SYT16: variants seen among roughly 807,000 people sequenced by gnomAD.
SYT16 encodes synaptotagmin-16.
A neutral mutation model predicts 61.4 loss-of-function variants in SYT16; 42 were observed. That is an observed-to-expected ratio of 0.68 (90% CI 0.53 to 0.89). The LOEUF (loss-of-function observed/expected upper bound fraction) is 0.89. Among genes scored for constraint, SYT16 ranks in the 40% least tolerant of loss-of-function variants. SYT16 has a pLI of 0.00. For missense variants in SYT16, 804 were observed against 807.3 expected, an observed-to-expected ratio of 1.00 and a Z score of 0.05; for synonymous variants, 314 against 302.3, an observed-to-expected ratio of 1.04 and a Z score of -0.40.
At chr14:62,076,659 T>C (rs762246816) in intron 5 of SYT16, among the ~76,000 whole-genome samples, 4 of 152,160 alleles carry the variant, frequency 2.6e-5, no homozygotes, top group Non-Finnish European at 4.4e-5. Context: ...CCATTAACTT[T>C]ATACATTTTG....
At chr14:61,902,555 T>C (rs1278297365) in intron 1 of SYT16, among the ~76,000 whole-genome samples, 1 of 152,208 alleles carries the variant, frequency 6.6e-6, no homozygotes, top group Non-Finnish European at 1.5e-5. Flanking sequence ...GCAATAGCAA[T>C]TTATTTTCTC....
At chr14:62,040,863 T>TA (rs1426646304) in intron 3 of SYT16, among the ~76,000 whole-genome samples, 2 of 152,192 alleles carry the variant, frequency 1.3e-5, no homozygotes, top group Admixed American at 6.6e-5. Context: ...GTACGTTTGT[T>TA]ACAATTGATG....
intron 1 of SYT16, chr14:61,831,833 G>A (rs974636671): frequency 2.7e-6 from 1 of 374,544 alleles, no homozygotes; most frequent in East Asian, 5.9e-5. Flanking sequence ...AGGTGACAGA[G>A]CAAGGCTCAA....
chr14:62,032,841 C>T (rs550947968), intron 3 of SYT16, among the ~76,000 whole-genome samples: 1 of 151,628 alleles, frequency 6.6e-6, no homozygotes, highest in East Asian at 1.9e-4. Flanking sequence ...TGTTACAGCC[C>T]ATTTAGCTAA....
At chr14:61,991,714 C>T (rs899064932) in intron 2 of SYT16, among the ~76,000 whole-genome samples, 10 of 152,116 alleles carry the variant, frequency 6.6e-5, no homozygotes, top group Non-Finnish European at 1.2e-4. Flanking sequence ...CTGGGATCAT[C>T]TCACAATGGT....
chr14:61,965,595 T>C (rs1303714100), intron 1 of SYT16, among the ~76,000 whole-genome samples: 2 of 152,164 alleles, frequency 1.3e-5, no homozygotes, highest in African/African-American at 4.8e-5. Flanking sequence ...ACTCAGATAT[T>C]CAAAGGTCAT....
intron 1 of SYT16, chr14:61,865,323 G>T: frequency 1.4e-6 from 1 of 712,362 alleles, no homozygotes. Flanking sequence ...CGGAGAGCCT[G>T]AAGCTCTTAG....
At chr14:62,003,135 C>A (rs1411769001) in intron 3 of SYT16, among the ~76,000 whole-genome samples, 1 of 151,998 alleles carries the variant, frequency 6.6e-6, no homozygotes, top group Non-Finnish European at 1.5e-5. Context: ...TATCAGCTAC[C>A]CTTCCCCAAG....
At chr14:62,023,763 G>T (rs2053997219) in intron 3 of SYT16, among the ~76,000 whole-genome samples, 1 of 152,120 alleles carries the variant, frequency 6.6e-6, no homozygotes, top group South Asian at 2.1e-4. Flanking sequence ...GGTGGCTTTT[G>T]TGGGATGGTT....
chr14:61,884,187 A>T (rs1342197820), intron 1 of SYT16, among the ~76,000 whole-genome samples: 1 of 152,190 alleles, frequency 6.6e-6, no homozygotes, highest in East Asian at 1.9e-4. Flanking sequence ...AAATCTCAGG[A>T]CTATTTTTCA....
chr14:62,042,901 C>T (rs909372018), intron 3 of SYT16, among the ~76,000 whole-genome samples: 9 of 152,106 alleles, frequency 5.9e-5, no homozygotes, highest in Non-Finnish European at 1.2e-4. Context: ...ACTTACCTTT[C>T]TCATTTCTCA....
chr14:61,908,409 T>C (rs1414574030), intron 1 of SYT16, among the ~76,000 whole-genome samples: 1 of 152,218 alleles, frequency 6.6e-6, no homozygotes, highest in Non-Finnish European at 1.5e-5. Context: ...GGCCTGTGTT[T>C]GTTTTTTTAA....
chr14:61,986,618 C>T (rs182921013), intron 2 of SYT16, among the ~76,000 whole-genome samples: 3 of 152,128 alleles, frequency 2.0e-5, no homozygotes, highest in African/African-American at 7.2e-5. Flanking sequence ...CACCCCACAA[C>T]AGGCCCCGGT....
At chr14:62,014,807 G>A (rs2053603296) in intron 3 of SYT16, among the ~76,000 whole-genome samples, 1 of 152,054 alleles carries the variant, frequency 6.6e-6, no homozygotes, top group African/African-American at 2.4e-5. Flanking sequence ...TCATTTTAAA[G>A]TCTGCATCAG....
intron 3 of SYT16, among the ~76,000 whole-genome samples, chr14:62,009,978 ATTC>A (rs775321882): frequency 6.6e-6 from 1 of 152,122 alleles, no homozygotes; most frequent in South Asian, 2.1e-4. Context: ...CTATTTCCCT[ATTC>A]TTCTTCCTAT....
At chr14:62,049,885 C>T (rs1325399333) in intron 3 of SYT16, among the ~76,000 whole-genome samples, 4 of 152,192 alleles carry the variant, frequency 2.6e-5, no homozygotes, top group Admixed American at 6.5e-5. Flanking sequence ...CCCGACCTTT[C>T]TCTCTGGCTG....
chr14:62,086,909 C>T (rs2056905038), intron 7 of SYT16, among the ~76,000 whole-genome samples: 1 of 152,060 alleles, frequency 6.6e-6, no homozygotes, highest in Admixed American at 6.6e-5. Context: ...AACAGAAAGC[C>T]AATAGTGAAG....
At chr14:61,863,812 TC>T (rs985691727) in intron 1 of SYT16, among the ~76,000 whole-genome samples, 104 of 149,298 alleles carry the variant, frequency 7.0e-4, no homozygotes, top group African/African-American at 2.7e-3. Context: ...CTGTCTAGAT[TC>T]ATTTTTTTTT....
chr14:61,813,440 G>A (rs904859526), intron 1 of SYT16, among the ~76,000 whole-genome samples: 2 of 152,046 alleles, frequency 1.3e-5, no homozygotes, highest in African/African-American at 4.8e-5. Context: ...CAGTGCCTTT[G>A]GAAATTGGAA....
Sources: allele counts gnomAD v4.1 joint callset (sites outside exome capture counted in the v4.1 genomes callset), GRCh38; gene constraint gnomAD v4.1.1; transcripts MANE v1.5; gene names NCBI Gene and HGNC (gene_info 2026-07-23, HGNC 2026-07-21).